The following PLEKHA7 variants were observed in gnomAD, a reference collection of about 807,000 sequenced individuals.
The protein encoded by PLEKHA7 is pleckstrin homology domain containing A7.
Under a neutral mutation model 170.0 loss-of-function variants are expected in PLEKHA7, and 104 were observed. That is an observed-to-expected ratio of 0.61 (90% CI 0.52 to 0.72). The LOEUF is 0.72. Among genes scored for constraint, PLEKHA7 ranks in the 30% least tolerant of loss-of-function variants. The pLI is 0.00. For synonymous variants in PLEKHA7, 648 were observed against 660.8 expected (o/e 0.98, Z 0.30); for missense variants, 1,615 against 1,671.7 (o/e 0.97, Z 0.59).
chr11:16,959,474 A>C lies in PLEKHA7; in HGVS notation c.221+54515T>G, dbSNP rs950603308. Among the ~76,000 whole-genome samples, 10 of 152,334 alleles carry C rather than the reference A, an allele frequency of 6.6e-5. No homozygotes were observed. The South Asian group carries it at 2.1e-3, about 32-fold the overall frequency. On this transcript the variant is annotated intron_variant, in intron 3 of 26. Coordinates refer to ENST00000531066, the MANE Select transcript of PLEKHA7 (RefSeq NM_001329630.2). ...TTTAATAAAATTCACAGAGCCAAGA[A>C]ATGTGCCTACATGCTTGGATTATCT...
chr11:16,790,672 C>T (rs1186192728), intron 21 of PLEKHA7, 126 bp downstream of exon 21: 1 of 912,336 alleles, frequency 1.1e-6, no homozygotes, highest in Middle Eastern at 3.5e-4. Context: ...CATCCCAGAC[C>T]CCCCTGACAG....
chr11:16,794,048 C>T (rs1848041735), intron 19 of PLEKHA7, among the ~76,000 whole-genome samples: 1 of 152,214 alleles, frequency 6.6e-6, no homozygotes, highest in South Asian at 2.1e-4. Context: ...CAGCCCAGTG[C>T]TCAGCGGCGG....
At chr11:16,862,365 A>C (rs904594358) in intron 4 of PLEKHA7, among the ~76,000 whole-genome samples, 1 of 152,096 alleles carries the variant, frequency 6.6e-6, no homozygotes, top group Non-Finnish European at 1.5e-5. Flanking sequence ...ATGACCCTGG[A>C]CCAGTCTCTT....
chr11:16,859,635 G>A (rs1453830198), intron 4 of PLEKHA7, among the ~76,000 whole-genome samples: 2 of 152,232 alleles, frequency 1.3e-5, no homozygotes, highest in African/African-American at 4.8e-5. Context: ...CCACAGGCAT[G>A]TTTCCCATTA....
chr11:17,005,258 C>T (rs975245398), intron 3 of PLEKHA7, among the ~76,000 whole-genome samples: 5 of 152,158 alleles, frequency 3.3e-5, no homozygotes, highest in South Asian at 2.1e-4. Context: ...AGGCTGGGCC[C>T]GGTGGCCCAC....
chr11:16,978,918 T>G (rs898217231), intron 3 of PLEKHA7, among the ~76,000 whole-genome samples: 6 of 152,194 alleles, frequency 3.9e-5, no homozygotes, highest in Non-Finnish European at 8.8e-5. Flanking sequence ...CACACCCTGC[T>G]GCAGTTCAGG....
intron 24 of PLEKHA7, 140 bp from the exon 25 acceptor site, chr11:16,783,973 T>TCCC: frequency 1.0e-6 from 1 of 961,824 alleles, no homozygotes. Flanking sequence ...GATCACAAAA[T>TCCC]TAGTCAGTTG....
intron 4 of PLEKHA7, among the ~76,000 whole-genome samples, chr11:16,863,929 A>G (rs1254707242): frequency 6.6e-6 from 1 of 152,250 alleles, no homozygotes; most frequent in Admixed American, 6.5e-5. Flanking sequence ...AAGGTTTGAG[A>G]ACATTTTCTG....
chr11:16,782,781 C>T lies in PLEKHA7; in HGVS notation c.3766G>A (p.Ala1256Thr). The T allele has an allele frequency of 1.3e-6, 2 of 1,536,148 alleles. No individual in the cohort carries two copies. The highest frequency in any genetic ancestry group is 1.7e-6 in the Non-Finnish European group (2 of 1,146,906). ...GCCACCTGCTTGCTACGCTGGGAGG[C>T]CTCGGAGGCCAGGGCGTAGGAGATG... ...INISYALASE[A>T]SQRSKQVAAQ... Residue 1256 changes from alanine to threonine, a missense_variant, in exon 26 of 27, where the codon GCC becomes ACC. Ala to Thr is a moderately conservative substitution (Grantham distance 58, BLOSUM62 0). Transcript: ENST00000531066.
chr11:16,795,190 C>T (rs1848136011), intron 17 of PLEKHA7, 172 bp from the exon 18 acceptor site: 1 of 587,014 alleles, frequency 1.7e-6, no homozygotes, highest in African/African-American at 1.9e-5. Flanking sequence ...TAAGCATAGA[C>T]AAGGAAAATG....
At chr11:16,890,569 TG>T (rs1157497646) in intron 3 of PLEKHA7, among the ~76,000 whole-genome samples, 6 of 152,028 alleles carry the variant, frequency 3.9e-5, no homozygotes, top group African/African-American at 1.5e-4. Context: ...TTATCATAGA[TG>T]GTAACTCTTG....
At chr11:16,861,635 A>C (rs1385466260) in intron 4 of PLEKHA7, among the ~76,000 whole-genome samples, 1 of 152,142 alleles carries the variant, frequency 6.6e-6, no homozygotes, top group East Asian at 1.9e-4. Flanking sequence ...GGCACAGAGC[A>C]AGGCTTGCTC....
intron 9 of PLEKHA7, 146 bp downstream of exon 9, chr11:16,841,400 GT>G: frequency 2.3e-6 from 2 of 884,884 alleles, no homozygotes; most frequent in Non-Finnish European, 3.3e-6. Context: ...AGGCCTTAGT[GT>G]TTTTGTTTAA....
At chr11:16,898,301 T>C (rs371848377) in intron 3 of PLEKHA7, among the ~76,000 whole-genome samples, 12 of 152,232 alleles carry the variant, frequency 7.9e-5, no homozygotes, top group African/African-American at 2.9e-4. Context: ...AACAGGATTT[T>C]AGTCATTTTT....
chr11:16,887,588 GT>G (rs747507343), intron 3 of PLEKHA7, among the ~76,000 whole-genome samples: 3 of 152,222 alleles, frequency 2.0e-5, no homozygotes, highest in East Asian at 3.9e-4. Flanking sequence ...TGGAGACGGG[GT>G]TTCGCTGTGT....
intron 3 of PLEKHA7, among the ~76,000 whole-genome samples, chr11:16,951,486 A>T (rs547975420): frequency 6.6e-6 from 1 of 152,318 alleles, no homozygotes; most frequent in South Asian, 2.1e-4. Flanking sequence ...CTTATGAGAT[A>T]GATATTTTTA....
Position 16,791,689 on chromosome 11 carries a change from G to T in PLEKHA7, c.2746-490C>A. 2 of 458,394 alleles carry T rather than the reference G, an allele frequency of 4.4e-6. No homozygotes were observed. The highest frequency in any genetic ancestry group is 3.1e-5 in the South Asian group (2 of 64,590). The allele number at this position is 458,394 out of a possible 1,614,324, so 28.4% of individuals were successfully genotyped here. On this transcript the variant is annotated intron_variant, in intron 19 of 26. Transcript: ENST00000531066. The surrounding 1 kb of genome is among the most constrained non-coding windows in gnomAD (Gnocchi z 4.5). ...TCAGCAAGGTGGGGACCTGAACAAG[G>T]ACAGAGTCTACATCCTCCTGGCCTT...
chr11:16,837,837 G>C (rs999178263), intron 9 of PLEKHA7, among the ~76,000 whole-genome samples: 1 of 152,116 alleles, frequency 6.6e-6, no homozygotes, highest in African/African-American at 2.4e-5. Context: ...CTGGTTAAGA[G>C]AGCCTGAAAG....
intron 3 of PLEKHA7, among the ~76,000 whole-genome samples, chr11:16,900,337 T>C (rs1356654147): frequency 1.3e-5 from 2 of 152,210 alleles, no homozygotes; most frequent in Non-Finnish European, 2.9e-5. Flanking sequence ...ATATGCATGG[T>C]TCAGTCTGTC....
Sources: gnomAD v4.1 joint callset for allele counts (sites outside exome capture counted in the v4.1 genomes callset) on GRCh38, gnomAD v4.1.1 for gene constraint, Gnocchi (gnomAD v3.1) non-coding constraint, MANE v1.5 for transcripts, NCBI Gene and HGNC (gene_info 2026-07-23, HGNC 2026-07-21) for gene names.